Variants in FASN observed in about 807,000 individuals in gnomAD.
The protein encoded by FASN is 3-hydroxyacyl-[acyl-carrier-protein] dehydratase.
FASN carries 50 observed loss-of-function variants against 250.0 expected under a neutral mutation model. The observed-to-expected ratio is 0.20, with a 90% CI of 0.16 to 0.25. The LOEUF (loss-of-function observed/expected upper bound fraction) is 0.25, where lower values mean the gene tolerates loss of function less well. FASN is among the 10% of genes least tolerant of loss of function. FASN has a pLI of 1.00. For missense variants in FASN, 3,031 were observed against 3,498.5 expected (o/e 0.87, Z 3.37); for synonymous variants, 1,909 against 1,584.0 (o/e 1.21, Z -4.87).
intron 11 of FASN, among the ~76,000 whole-genome samples, chr17:82,089,954 T>G (rs112975697): frequency 1.9e-4 from 29 of 152,330 alleles, no homozygotes; most frequent in African/African-American, 6.7e-4. Flanking sequence ...AGTCCCCAGA[T>G]GGTGGCCCCC....
At position 82,081,779 on chromosome 17, in the gene FASN, G is replaced by A. The variant is rs145899203; in HGVS notation, c.6228C>T (p.Asn2076=). The A allele has an allele frequency of 3.7e-5, 59 of 1,612,422 alleles. No homozygotes were observed. The Middle Eastern group carries it at 6.6e-4, about 18-fold the overall frequency. The stretch of plus-strand genomic sequence containing the variant: ...GCAGCGTGCCACTGACGATCGTGTC[G>A]TTGGTGCTCATCGTCTCCACCAAAA... ...VGILVETMST[N]DTIVSGTLPQ... is the part of the protein sequence containing the mutation. The change falls in exon 37 of 43, where the codon AAC becomes AAT. Residue 2076 remains asparagine (N), a synonymous_variant. Coordinates refer to ENST00000306749, the MANE Select transcript of FASN (RefSeq NM_004104.5).
At chr17:82,083,146 C>A (rs766906278) in intron 32 of FASN, 31 bp from the exon 33 acceptor site, 1 of 1,610,650 alleles carries the variant, frequency 6.2e-7, no homozygotes, top group Non-Finnish European at 8.5e-7. Flanking sequence ...CCGGCTCAGG[C>A]ACTGCCTGGG....
chr17:82,083,463 A>G (rs1351872920), intron 31 of FASN, 38 bp from the exon 32 acceptor site: 2 of 1,612,620 alleles, frequency 1.2e-6, no homozygotes, highest in African/African-American at 1.3e-5. Context: ...GGCCTTCCAC[A>G]GGTCCACCCA....
At position 82,083,986 on chromosome 17, in the gene FASN, A is replaced by T; in HGVS notation, c.5087T>A (p.Phe1696Tyr). The change falls in exon 29 of 43, where the codon TTC becomes TAC. Residue 1696 changes from phenylalanine to tyrosine, a missense_variant. Phe to Tyr is a conservative substitution (Grantham distance 22). Transcript: ENST00000306749. ...AIALSLGCRV[F>Y]TTVGSAEKRA... ...GGGCGGGGCCTTACCCACGGTGGTGAAGACGCGGCAGCCCAGACTGAGGGC... is the reference window on the plus strand; with the variant it reads ...GGGCGGGGCCTTACCCACGGTGGTGTAGACGCGGCAGCCCAGACTGAGGGC... 1.3e-6 allele frequency: 2 copies of T among 1,539,724 alleles called. No homozygotes were observed. The highest frequency in any genetic ancestry group is 8.7e-7 in the Non-Finnish European group (1 of 1,145,608).
rs1466251615 is a variant in FASN, at chr17:82,079,286, G to A, written c.7399-6C>T. On this transcript the variant is annotated splice_region_variant and splice_polypyrimidine_tract_variant and intron_variant, in intron 42 of 42. Transcript: ENST00000306749. ...GATACTTTCCCGTCGCATACCTGCAGGGGATGCGATCAGCTGCCGTCCCAC... is the reference window on the plus strand; with the variant it reads ...GATACTTTCCCGTCGCATACCTGCAAGGGATGCGATCAGCTGCCGTCCCAC... 1 of 1,613,042 alleles carries A rather than the reference G, an allele frequency of 6.2e-7. No individual in the cohort carries two copies. Among genetic ancestry groups the A allele is most frequent in the Non-Finnish European group, 8.5e-7 (1 of 1,179,946 alleles).
In FASN at chr17:82,092,450, C is replaced by T; in HGVS notation, c.1029+5G>A. The T allele has an allele frequency of 6.4e-7, 1 of 1,566,824 alleles. No individual in the cohort carries two copies. The highest frequency in any genetic ancestry group is 8.6e-7 in the Non-Finnish European group (1 of 1,158,956). ...TGAGGGACCCCCAAGCCCAGCCCCA[C>T]CTACCTTGGCCAGGGCTGCCAGCCC... On this transcript the variant is annotated splice_donor_5th_base_variant and intron_variant, in intron 8 of 42. Transcript: ENST00000306749.
Position 82,081,324 on chromosome 17 carries a change from C to A in FASN, c.6435G>T (p.Leu2145=). 6.4e-7 allele frequency: 1 copy of A among 1,558,124 alleles called. No individual in the cohort carries two copies. The highest frequency in any genetic ancestry group is 1.2e-5 in the South Asian group (1 of 85,038). Residue 2145 remains leucine (L), a synonymous_variant, in exon 38 of 43, where the codon CTG becomes CTT. Transcript: ENST00000306749. ...GGCCCAGGTCCGCCAGTGAGCTGTC[C>A]AGGTTGACAGCAGCCAAGTCGCGGA... ...LGIRDLAAVN[L]DSSLADLGLD... is the part of the protein sequence containing the mutation.
chr17:82,093,267 G>C lies in FASN; in HGVS notation c.607C>G (p.Leu203Val). Reference sequence around the variant, plus strand: ...GTGCCCTCGGGGCTGAGCATCCCCAGCCTCAAGAACTGCACGGAGGTGTTG... The same window carrying C: ...GTGCCCTCGGGGCTGAGCATCCCCACCCTCAAGAACTGCACGGAGGTGTTG... The part of the protein sequence containing the change: ...KPNTSVQFLR[L>V]GMLSPEGTCK... Residue 203 changes from leucine (L) to valine (V), a missense_variant, in exon 5 of 43, where the codon CTG (leucine) becomes GTG (valine). Physicochemically the swap from Leu to Val is conservative, Grantham distance 32. Coordinates refer to ENST00000306749, the MANE Select transcript of FASN (RefSeq NM_004104.5). The C allele has an allele frequency of 1.3e-6, 2 of 1,595,686 alleles. No individual in the cohort carries two copies. The highest frequency in any genetic ancestry group is 1.7e-6 in the Non-Finnish European group (2 of 1,172,098).
At chr17:82,090,113 C>T (rs1420886300) in intron 11 of FASN, among the ~76,000 whole-genome samples, 2 of 152,238 alleles carry the variant, frequency 1.3e-5, no homozygotes, top group Non-Finnish European at 2.9e-5. Flanking sequence ...TCTTGCTATG[C>T]TGCAGCTGTG....
intron 39 of FASN, 38 bp from the exon 40 acceptor site, chr17:82,080,628 G>T (rs1466703118): frequency 6.4e-7 from 1 of 1,550,976 alleles, no homozygotes; most frequent in Non-Finnish European, 8.7e-7. Flanking sequence ...ATGTGCAGGC[G>T]GCAGCCACGG....
At position 82,085,806 on chromosome 17, in the gene FASN, C is replaced by T; in HGVS notation, c.3798G>A (p.Leu1266=). The T allele has an allele frequency of 2.6e-6, 4 of 1,562,542 alleles. No homozygotes were observed. Among genetic ancestry groups the T allele is most frequent in the Non-Finnish European group, 3.5e-6 (4 of 1,156,258 alleles). ...GGTCGGTGGCCGTGTAGCTCAGCTGCAGCAGGGGATGGGGGCTGAGCAGGC... is the reference window on the plus strand; with the variant it reads ...GGTCGGTGGCCGTGTAGCTCAGCTGTAGCAGGGGATGGGGGCTGAGCAGGC... ...IPGLLSPHPL[L]QLSYTATDRH... is the part of the protein sequence containing the mutation. The change falls in exon 23 of 43, where the codon CTG becomes CTA. Residue 1266 remains leucine (L), a synonymous_variant. Coordinates refer to ENST00000306749, the MANE Select transcript of FASN (RefSeq NM_004104.5).
At position 82,080,170 on chromosome 17, in the gene FASN, C is replaced by T; in HGVS notation, c.7116G>A (p.Val2372=). The change falls in exon 41 of 43, where the codon GTG becomes GTA. Residue 2372 remains valine, a synonymous_variant. Transcript: ENST00000306749. ...EAETEAICFF[V]QQFTDMEHNR... is the part of the protein sequence containing the mutation. ...TGTGCTCCATGTCCGTGAACTGCTGCACGAAGAAGCATATGGCCTCCGTCT... is the reference window on the plus strand; with the variant it reads ...TGTGCTCCATGTCCGTGAACTGCTGTACGAAGAAGCATATGGCCTCCGTCT... 8.7e-6 allele frequency: 14 copies of T among 1,613,280 alleles called. No individual in the cohort carries two copies. Among genetic ancestry groups the T allele is most frequent in the Non-Finnish European group, 1.2e-5 (14 of 1,180,026 alleles).
intron 13 of FASN, 32 bp downstream of exon 13, chr17:82,089,218 C>G (rs569504658): frequency 7.5e-6 from 12 of 1,609,582 alleles, no homozygotes; most frequent in Middle Eastern, 1.6e-4. Flanking sequence ...TCCCCTGGCC[C>G]GCCCCGCACC....
Position 82,089,722 on chromosome 17 carries a change from C to T in FASN, c.1875G>A (p.Leu625=). 1.3e-6 allele frequency: 2 copies of T among 1,579,288 alleles called. No individual in the cohort carries two copies. Among genetic ancestry groups the T allele is most frequent in the African/African-American group, 1.3e-5 (1 of 74,188 alleles). Residue 625 remains leucine (L), a synonymous_variant, in exon 12 of 43, where the codon TTG becomes TTA. Coordinates refer to ENST00000306749, the MANE Select transcript of FASN (RefSeq NM_004104.5). Reference sequence around the variant, plus strand: ...AGCGCTGTTTACACTCCTCCCAGGACAAGCCTATGGCAGAGCCAGCCTCAG... The same window carrying T: ...AGCGCTGTTTACACTCCTCCCAGGATAAGCCTATGGCAGAGCCAGCCTCAG... ...LPPGAMAAVG[L]SWEECKQRCP...
At chr17:82,090,779 G>A in intron 10 of FASN, 103 bp downstream of exon 10, 1 of 1,319,850 alleles carries the variant, frequency 7.6e-7, no homozygotes, top group Non-Finnish European at 1.1e-6. Context: ...CCTAGCAAAG[G>A]GGCTGTCAGG....
intron 3 of FASN, 99 bp from the exon 4 acceptor site, chr17:82,093,870 A>C: frequency 7.9e-7 from 1 of 1,260,092 alleles, no homozygotes. Context: ...TCTTGGCCTC[A>C]CTGGCTTGGG....
chr17:82,081,032 G>A, intron 38 of FASN, 110 bp from the exon 39 acceptor site: 4 of 1,387,144 alleles, frequency 2.9e-6, no homozygotes, highest in Non-Finnish European at 4.0e-6. Context: ...TCAGGTGGGA[G>A]TCGGGGTGGG....
chr17:82,080,734 A>G lies in FASN; in HGVS notation c.6784T>C (p.Ser2262Pro). Reference sequence around the variant, plus strand: ...CCATAGGTGGGGATGCTGAGCCGGGAGGCCAGGCTGTGGAACACGGTGGTG... The same window carrying G: ...CCATAGGTGGGGATGCTGAGCCGGGGGGCCAGGCTGTGGAACACGGTGGTG... ...GSTTVFHSLA[S>P]RLSIPTYGLQ... Residue 2262 changes from serine (S) to proline (P), a missense_variant, in exon 39 of 43, where the codon TCC becomes CCC. Ser to Pro is a moderately conservative substitution (Grantham distance 74). Transcript: ENST00000306749. 6.2e-7 allele frequency: 1 copy of G among 1,603,006 alleles called. No homozygotes were observed. The highest frequency in any genetic ancestry group is 8.5e-7 in the Non-Finnish European group (1 of 1,176,110).
At chr17:82,081,406 T>C (rs2144781261) in intron 37 of FASN, 54 bp from the exon 38 acceptor site, 2 of 1,562,074 alleles carry the variant, frequency 1.3e-6, no homozygotes, top group Non-Finnish European at 1.7e-6. Flanking sequence ...GGACGGCCTG[T>C]ATGCGGCAGG....
Sources: allele counts gnomAD v4.1 joint callset (sites outside exome capture counted in the v4.1 genomes callset), GRCh38; gene constraint gnomAD v4.1.1; transcripts MANE v1.5; gene names NCBI Gene and HGNC (gene_info 2026-07-23, HGNC 2026-07-21).